NPY1R: variants seen among roughly 807,000 people sequenced by gnomAD.
The protein encoded by NPY1R is neuropeptide Y receptor type 1.
Under a neutral mutation model 24.1 loss-of-function variants are expected in NPY1R, and 10 were observed. The ratio of observed to expected loss-of-function variants is 0.42; its 90% CI spans 0.26 to 0.71. The LOEUF is 0.71. Among genes scored for constraint, NPY1R ranks in the 30% least tolerant of loss-of-function variants. NPY1R has a pLI of 0.28. For missense variants in NPY1R, 350 were observed against 458.0 expected (o/e 0.76, Z 2.15); for synonymous variants, 168 against 165.9 (o/e 1.01, Z -0.10).
chr4:163,325,396 C>A lies in NPY1R; in HGVS notation c.1062G>T (p.Thr354=). The A allele has an allele frequency of 6.2e-7, 1 of 1,613,996 alleles. No individual in the cohort carries two copies. The highest frequency in any genetic ancestry group is 2.2e-5 in the East Asian group (1 of 44,874). Reference sequence around the variant, plus strand: ...AAGTTTTGGAAACATCTGTGTGCATCGTGGACATGGCTATTGTTTCATAAT... The same window carrying A: ...AAGTTTTGGAAACATCTGTGTGCATAGTGGACATGGCTATTGTTTCATAAT... ...DDDYETIAMS[T]MHTDVSKTSL... is the part of the protein sequence containing the mutation. The change falls in exon 3 of 3, where the codon ACG becomes ACT. Residue 354 remains threonine (T), a synonymous_variant. Transcript: ENST00000296533.
rs747221705 is a variant in NPY1R at position 163,343,585 on chromosome 4, ACCAG to A, written c.-152+716_-152+719del. On this transcript the variant is annotated intron_variant, in intron 1 of 1. Transcript: ENST00000511901. ...AACTTAGGGGCACAGCCATCCTCAC[ACCAG>A]TCCAAGACTTCTCAGAGTTCACTAC... is the stretch of plus-strand genomic sequence containing the variant. 1.7e-3 allele frequency among the ~76,000 whole-genome samples: 251 copies of A among 151,902 alleles called. 1 individual carries two copies. Among genetic ancestry groups the A allele is most frequent in the Non-Finnish European group, 3.0e-3 (205 of 67,926 alleles).
intron 1 of NPY1R, among the ~76,000 whole-genome samples, chr4:163,332,123 G>C (rs1439853242): frequency 6.6e-6 from 1 of 152,236 alleles, no homozygotes; most frequent in Non-Finnish European, 1.5e-5. Context: ...AAAATGAGCG[G>C]GTGTGGGATA....
chr4:163,337,828 G>A (rs938058311), upstream of NPY1R, among the ~76,000 whole-genome samples: 5 of 152,060 alleles, frequency 3.3e-5, no homozygotes, highest in Non-Finnish European at 7.4e-5. Flanking sequence ...ATCTTCCCTA[G>A]CTGCTTCTCT....
At chr4:163,339,498 GT>G (rs79290672) in intron 1 of NPY1R, among the ~76,000 whole-genome samples, 4 of 150,428 alleles carry the variant, frequency 2.7e-5, no homozygotes, top group Non-Finnish European at 4.4e-5. Flanking sequence ...GACAGTGACT[GT>G]TTTTTTTTCA....
intron 1 of NPY1R, among the ~76,000 whole-genome samples, chr4:163,339,369 A>C (rs1372041734): frequency 6.6e-6 from 1 of 152,312 alleles, no homozygotes; most frequent in African/African-American, 2.4e-5. Context: ...AGAATGAATT[A>C]CCCAGGAATA....
In NPY1R at chr4:163,326,273, G is replaced by A. The variant is rs1734605095; in HGVS notation, c.282C>T (p.Leu94=). ...FSDLLVAIMC[L]PFTFVYTLMD... The stretch of plus-strand genomic sequence containing the variant: ...TTAATGTGTAGACAAATGTAAAGGG[G>A]AGACACATGATGGCAACAAGCAAGT... The change falls in exon 2 of 3, where the codon CTC becomes CTT. Residue 94 remains leucine, a synonymous_variant. Transcript: ENST00000296533. 2 of 1,614,044 alleles carry A rather than the reference G, an allele frequency of 1.2e-6. No homozygotes were observed. The highest frequency in any genetic ancestry group is 2.7e-5 in the African/African-American group (2 of 74,934).
chr4:163,331,802 C>T (rs1734734372), intron 1 of NPY1R, among the ~76,000 whole-genome samples: 1 of 152,260 alleles, frequency 6.6e-6, no homozygotes, highest in Non-Finnish European at 1.5e-5. Flanking sequence ...GATTAGAACT[C>T]CGATGATTAA....
chr4:163,340,004 C>A (rs534182870), intron 1 of NPY1R, among the ~76,000 whole-genome samples: 2 of 152,160 alleles, frequency 1.3e-5, no homozygotes, highest in African/African-American at 4.8e-5. Flanking sequence ...TGAGCTTATG[C>A]TTTGAACAGT....
intron 1 of NPY1R, among the ~76,000 whole-genome samples, chr4:163,329,363 G>A (rs1183613009): frequency 4.6e-5 from 7 of 152,110 alleles, no homozygotes; most frequent in Non-Finnish European, 8.8e-5. Flanking sequence ...CCAGCATTTC[G>A]GGAGGCCGAG....
intron 1 of NPY1R, among the ~76,000 whole-genome samples, chr4:163,338,576 G>C (rs146863441): frequency 8.5e-5 from 13 of 152,176 alleles, no homozygotes; most frequent in Non-Finnish European, 1.6e-4. Flanking sequence ...TGCTAGGAGG[G>C]ACTACTCCTG....
intron 1 of NPY1R, among the ~76,000 whole-genome samples, chr4:163,343,312 C>A (rs1284296278): frequency 1.3e-5 from 2 of 151,876 alleles, no homozygotes; most frequent in African/African-American, 4.8e-5. Context: ...CCCACAGCTG[C>A]CACTCCTTGG....
Position 163,325,233 on chromosome 4 carries a change from A to C in NPY1R, c.*70T>G, listed in dbSNP as rs1734575794. On this transcript the variant is annotated 3_prime_UTR_variant, in exon 3 of 3. Transcript: ENST00000296533. ...ACCCCATTCCTTGGGAGAACAGGTA[A>C]TCAAAGTATGTTGCAGGTTGTGCTT... 1.9e-6 allele frequency: 2 copies of C among 1,080,178 alleles called. No homozygotes were observed. Among genetic ancestry groups the C allele is most frequent in the South Asian group, 3.1e-5 (2 of 65,284 alleles). 66.9% of individuals were successfully genotyped at this position (1,080,178 alleles called of 1,614,324 possible).
At chr4:163,333,400 G>A (rs1286020774), upstream of NPY1R, among the ~76,000 whole-genome samples, 1 of 151,860 alleles carries the variant, frequency 6.6e-6, no homozygotes, top group African/African-American at 2.4e-5. Flanking sequence ...CCAATTACTG[G>A]CACACTGATC....
chr4:163,339,648 T>A (rs534634483), intron 1 of NPY1R, among the ~76,000 whole-genome samples: 41 of 152,226 alleles, frequency 2.7e-4, no homozygotes, highest in Non-Finnish European at 5.1e-4. Flanking sequence ...CATTTGTTCA[T>A]CTCAAACATT....
chr4:163,334,535 T>C (rs1172391514), upstream of NPY1R, among the ~76,000 whole-genome samples: 1 of 152,238 alleles, frequency 6.6e-6, no homozygotes, highest in African/African-American at 2.4e-5. Flanking sequence ...CTCTTTTCTA[T>C]GACAACTTTA....
chr4:163,336,528 C>T (rs897482337), upstream of NPY1R, among the ~76,000 whole-genome samples: 6 of 152,156 alleles, frequency 3.9e-5, no homozygotes, highest in African/African-American at 1.4e-4. Context: ...TCTACTTGGT[C>T]GTCTTGCCCC....
chr4:163,343,824 G>C (rs1735078404), intron 1 of NPY1R: 2 of 152,216 alleles, frequency 1.3e-5, no homozygotes, highest in African/African-American at 2.4e-5. Context: ...GCAGGGTCTC[G>C]GGGGTCCCCG....
At chr4:163,334,861 G>GAAAA (rs545497813), upstream of NPY1R, among the ~76,000 whole-genome samples, 6 of 66,900 alleles carry the variant, frequency 9.0e-5, no homozygotes, top group Non-Finnish European at 1.2e-4. Context: ...CTCTGTTTTG[G>GAAAA]AAAAAAAAAA....
Position 163,325,574 on chromosome 4 carries a change from G to C in NPY1R, c.884C>G (p.Thr295Ser), listed in dbSNP as rs765249970. ...VFDWNHQIIATCNHNLLFLLC... is the reference protein window; with the variant it reads ...VFDWNHQIIASCNHNLLFLLC... Reference sequence around the variant, plus strand: ...CAGGAATAACAGATTGTGGTTGCAGGTAGCAATGATCTGATGATTCCAATC... The same window carrying C: ...CAGGAATAACAGATTGTGGTTGCAGCTAGCAATGATCTGATGATTCCAATC... Residue 295 changes from threonine (T) to serine (S), a missense_variant, in exon 3 of 3, where the codon ACC becomes AGC. By Grantham distance (58) the Thr-to-Ser change is moderately conservative. Coordinates refer to ENST00000296533, the MANE Select transcript of NPY1R (RefSeq NM_000909.6). 6.2e-7 allele frequency: 1 copy of C among 1,614,010 alleles called. No homozygotes were observed. The highest frequency in any genetic ancestry group is 8.5e-7 in the Non-Finnish European group (1 of 1,179,976).
Sources: gnomAD v4.1 joint callset for allele counts (sites outside exome capture counted in the v4.1 genomes callset) on GRCh38, gnomAD v4.1.1 for gene constraint, MANE v1.5 for transcripts, NCBI Gene and HGNC (gene_info 2026-07-23, HGNC 2026-07-21) for gene names.